The following DPP4 variants were observed in gnomAD, a reference collection of about 807,000 sequenced individuals.
DPP4 encodes the protein ADCP-2.
In DPP4, 93 loss-of-function variants were observed where a neutral mutation model predicts 122.4. The observed-to-expected ratio is 0.76, with a 90% CI of 0.64 to 0.90. The LOEUF (loss-of-function observed/expected upper bound fraction) is 0.90, where lower values mean the gene tolerates loss of function less well. Among genes scored for constraint, DPP4 ranks in the 40% least tolerant of loss-of-function variants. DPP4 has a pLI of 0.00. For missense variants in DPP4, 914 were observed against 907.3 expected (o/e 1.01, Z -0.09); for synonymous variants, 321 against 302.9 (o/e 1.06, Z -0.62).
In DPP4 at chr2:161,995,262, G is replaced by T. The variant is rs192543865; in HGVS notation, c.2125+38C>A. Reference sequence around the variant, plus strand: ...TTGTCAGTAGTGAAATTGCAAACCTGTCTGTGATACTAAAAAGTCTAATTA... The same window carrying T: ...TTGTCAGTAGTGAAATTGCAAACCTTTCTGTGATACTAAAAAGTCTAATTA... On this transcript the variant is annotated intron_variant, in intron 24 of 25. Coordinates refer to ENST00000360534, the MANE Select transcript of DPP4 (RefSeq NM_001935.4). 2.5e-6 allele frequency: 4 copies of T among 1,576,654 alleles called. No individual in the cohort carries two copies. In the Admixed American group the frequency reaches 6.7e-5, roughly 26 times the overall value.
chr2:162,017,189 G>C, intron 16 of DPP4, 34 bp from the exon 17 acceptor site: 1 of 1,591,740 alleles, frequency 6.3e-7, no homozygotes. Context: ...TGTTTTGGAT[G>C]AATACTTTTT....
At chr2:162,070,728 G>T (rs918140328) in intron 2 of DPP4, among the ~76,000 whole-genome samples, 1 of 152,150 alleles carries the variant, frequency 6.6e-6, no homozygotes, top group Admixed American at 6.6e-5. Context: ...CCCAGGAAAG[G>T]TATTGCTGAT....
chr2:162,012,954 A>G (rs1239905426), intron 19 of DPP4, among the ~76,000 whole-genome samples: 1 of 152,100 alleles, frequency 6.6e-6, no homozygotes, highest in Admixed American at 6.6e-5. Context: ...ACAAAACACT[A>G]TAACATTCTA....
chr2:162,045,565 C>T lies in DPP4; in HGVS notation c.333G>A (p.Gly111=). ...SINDYSISPD[G]QFILLEYNYV... Reference sequence around the variant, plus strand: ...AGTTGTATTCTAAGAGAATAAACTGCCCATCAGGAGATATTGAATAATCAT... The same window carrying T: ...AGTTGTATTCTAAGAGAATAAACTGTCCATCAGGAGATATTGAATAATCAT... The change falls in exon 5 of 26, where the codon GGG becomes GGA. Residue 111 remains glycine, a synonymous_variant. Transcript: ENST00000360534. The T allele has an allele frequency of 6.2e-7, 1 of 1,612,426 alleles. No homozygotes were observed. Among genetic ancestry groups the T allele is most frequent in the Non-Finnish European group, 8.5e-7 (1 of 1,178,706 alleles).
At chr2:162,028,972 G>A (rs1236699061) in intron 10 of DPP4, among the ~76,000 whole-genome samples, 1 of 152,172 alleles carries the variant, frequency 6.6e-6, no homozygotes, top group African/African-American at 2.4e-5. Context: ...CATCCATTTG[G>A]AAAATGTTGC....
chr2:161,997,236 G>C (rs1701029174), intron 23 of DPP4, among the ~76,000 whole-genome samples: 1 of 152,190 alleles, frequency 6.6e-6, no homozygotes, highest in Non-Finnish European at 1.5e-5. Context: ...AAACCTGAGT[G>C]AGACTCCTTT....
At chr2:162,053,898 G>A (rs557808837) in intron 2 of DPP4, among the ~76,000 whole-genome samples, 35 of 152,316 alleles carry the variant, frequency 2.3e-4, no homozygotes, top group Middle Eastern at 6.8e-3. Flanking sequence ...ATGGAACTGC[G>A]GGGCAAGGCT....
chr2:162,073,890 G>C (rs1207338250), intron 1 of DPP4, 86 bp downstream of exon 1: 2 of 1,569,786 alleles, frequency 1.3e-6, no homozygotes, highest in African/African-American at 1.4e-5. Context: ...CCCTGGTCCG[G>C]TTTCGCCAGC....
intron 2 of DPP4, among the ~76,000 whole-genome samples, chr2:162,056,290 C>T (rs1229559696): frequency 1.3e-5 from 2 of 152,200 alleles, no homozygotes; most frequent in Non-Finnish European, 2.9e-5. Flanking sequence ...ATTCTGTTTA[C>T]TATTATATTA....
chr2:162,073,481 C>T lies in DPP4; in HGVS notation c.12G>A (p.Pro4=), dbSNP rs200156043. 5.0e-6 allele frequency: 8 copies of T among 1,613,852 alleles called. No homozygotes were observed. The highest frequency in any genetic ancestry group is 3.4e-4 in the Middle Eastern group (2 of 5,810). The change falls in exon 2 of 26, where the codon CCG becomes CCA. Residue 4 remains proline, a synonymous_variant. Coordinates refer to ENST00000360534, the MANE Select transcript of DPP4 (RefSeq NM_001935.4). ...CCAGCAGTCCCAGAAGAACCTTCCACGGTGTCTGCAAGCCGAGCAGATCAA... is the reference window on the plus strand; with the variant it reads ...CCAGCAGTCCCAGAAGAACCTTCCATGGTGTCTGCAAGCCGAGCAGATCAA... MKT[P]WKVLLGLLGA... is the part of the protein sequence containing the mutation.
At chr2:162,016,677 A>C in intron 18 of DPP4, 91 bp downstream of exon 18, 1 of 777,394 alleles carries the variant, frequency 1.3e-6, no homozygotes, top group Non-Finnish European at 2.0e-6. Flanking sequence ...TTTATATATA[A>C]TATGAAATAC....
intron 25 of DPP4, among the ~76,000 whole-genome samples, chr2:161,994,699 A>G (rs1373714481): frequency 1.3e-5 from 2 of 152,208 alleles, no homozygotes; most frequent in Admixed American, 1.3e-4. Flanking sequence ...GAGAGACTGA[A>G]CAATCACATG....
intron 2 of DPP4, among the ~76,000 whole-genome samples, chr2:162,052,318 C>CAAAAAAAA: frequency 1.5e-5 from 1 of 64,762 alleles, no homozygotes; most frequent in Non-Finnish European, 2.9e-5. Flanking sequence ...AACTCCATCT[C>CAAAAAAAA]AAAAAAAAAA....
At chr2:162,063,883 A>G (rs1422905766) in intron 2 of DPP4, among the ~76,000 whole-genome samples, 1 of 152,142 alleles carries the variant, frequency 6.6e-6, no homozygotes, top group Non-Finnish European at 1.5e-5. Context: ...CTGTATGTTC[A>G]TGATCAAATA....
Position 162,046,999 on chromosome 2 carries a change from T to C in DPP4, c.201A>G (p.Glu67=), listed in dbSNP as rs201971443. 2.6e-5 allele frequency: 41 copies of C among 1,560,040 alleles called. No individual in the cohort carries two copies. In the South Asian group the frequency reaches 4.3e-4, roughly 16 times the overall value. Residue 67 remains glutamate, a synonymous_variant, in exon 4 of 26, where the codon GAA becomes GAG. Transcript: ENST00000360534. ...LYSLRWISDH[E]YLYKQENNIL... ...TATTATTTTCTTGTTTGTAGAGATA[T>C]TCATGATCTAAAGAGAGAAAACACC...
chr2:162,013,538 C>T (rs768320105), intron 19 of DPP4, among the ~76,000 whole-genome samples: 30 of 151,306 alleles, frequency 2.0e-4, no homozygotes, highest in Non-Finnish European at 3.5e-4. Flanking sequence ...TTTTTTTTCT[C>T]GCTGGTAACA....
At chr2:162,038,781 G>C (rs1001213874) in intron 7 of DPP4, among the ~76,000 whole-genome samples, 168 bp downstream of exon 7, 1 of 152,108 alleles carries the variant, frequency 6.6e-6, no homozygotes, top group African/African-American at 2.4e-5. Context: ...TTGCATTCTG[G>C]AAGAGAGAAG....
At chr2:162,029,726 G>T (rs966127851) in intron 10 of DPP4, among the ~76,000 whole-genome samples, 4 of 152,138 alleles carry the variant, frequency 2.6e-5, no homozygotes, top group Admixed American at 2.6e-4. Flanking sequence ...TCATGAGCTG[G>T]GTGTGATGAG....
chr2:162,016,042 G>A (rs762337829), intron 18 of DPP4, among the ~76,000 whole-genome samples: 4 of 152,126 alleles, frequency 2.6e-5, no homozygotes, highest in South Asian at 2.1e-4. Context: ...TGTTTTTCAC[G>A]AGGATGCTAT....
Sources: gnomAD v4.1 joint callset for allele counts (sites outside exome capture counted in the v4.1 genomes callset) on GRCh38, gnomAD v4.1.1 for gene constraint, MANE v1.5 for transcripts, NCBI Gene and HGNC (gene_info 2026-07-23, HGNC 2026-07-21) for gene names.